Variants in BMP1 observed in about 807,000 individuals in gnomAD.
BMP1 encodes the protein mammalian tolloid protein.
In BMP1, 63 loss-of-function variants were observed where a neutral mutation model predicts 116.8. The observed-to-expected ratio is 0.54, with a 90% confidence interval of 0.44 to 0.67. BMP1 has a LOEUF of 0.67. Among genes scored for constraint, BMP1 ranks in the 30% least tolerant of loss-of-function variants. The pLI is 0.00. For synonymous variants in BMP1, 536 were observed against 533.4 expected, an observed-to-expected ratio of 1.00 and a Z score of -0.07; for missense variants, 1,183 against 1,358.9, an observed-to-expected ratio of 0.87 and a Z score of 2.04.
intron 1 of BMP1, 151 bp downstream of exon 1, chr8:22,165,704 A>C: frequency 4.3e-6 from 2 of 462,622 alleles, no homozygotes. Flanking sequence ...GGGGAGAGGG[A>C]GGGGGATTTG....
At chr8:22,195,313 C>T (rs1359241697) in intron 12 of BMP1, 149 bp from the exon 13 acceptor site, 28 of 947,502 alleles carry the variant, frequency 3.0e-5, no homozygotes, top group Non-Finnish European at 4.0e-5. Flanking sequence ...GACACCAGCC[C>T]AGTCCATGTG....
Position 22,177,957 on chromosome 8 carries a change from G to T in BMP1, c.836G>T (p.Arg279Met). 2.5e-6 allele frequency: 4 copies of T among 1,604,666 alleles called. No individual in the cohort carries two copies. Among genetic ancestry groups the T allele is most frequent in the Non-Finnish European group, 3.4e-6 (4 of 1,172,782 alleles). Reference sequence around the variant, plus strand: ...CATTACGCTCGGAACACATTCTCCAGGTGGGAGACGGGATTGGGGCTGGGC... The same window carrying T: ...CATTACGCTCGGAACACATTCTCCATGTGGGAGACGGGATTGGGGCTGGGC... ...IMHYARNTFSRGIFLDTIVPK... is the reference protein window; with the variant it reads ...IMHYARNTFSMGIFLDTIVPK... The change falls in exon 6 of 20, where the codon AGG (arginine) becomes ATG (methionine). Residue 279 changes from arginine (R) to methionine (M), a missense_variant and splice_region_variant. Physicochemically the swap from Arg to Met is moderately conservative, Grantham distance 91. This residue lies in a region of BMP1 where 956 missense variants were observed against 1,135.2 expected (regional missense o/e 0.84). Transcript: ENST00000306385.
chr8:22,183,938 G>A (rs1828697058), intron 8 of BMP1, among the ~76,000 whole-genome samples: 1 of 152,178 alleles, frequency 6.6e-6, no homozygotes, highest in South Asian at 2.1e-4. Context: ...TGGGCCAGAT[G>A]CTAACATTAT....
intron 3 of BMP1, 89 bp downstream of exon 3, chr8:22,176,402 A>T: frequency 6.4e-7 from 1 of 1,552,772 alleles, no homozygotes; most frequent in South Asian, 1.2e-5. Flanking sequence ...CGTGGGTGCC[A>T]CCTGCAGCCC....
chr8:22,196,196 A>G (rs368811397), intron 13 of BMP1: 46 of 523,108 alleles, frequency 8.8e-5, no homozygotes, highest in Admixed American at 2.9e-4. Context: ...TATGATCTAC[A>G]GGTTGGGAAA....
At position 22,197,371 on chromosome 8, in the gene BMP1, G is replaced by A; in HGVS notation, c.2058G>A (p.Lys686=). ...SQYNNMRVEF[K]SDNTVSKKGF... ...ACAACAACATGCGCGTGGAGTTCAA[G>A]TCCGACAACACCGTGTCCAAAAAGG... is the stretch of plus-strand genomic sequence containing the variant. The change falls in exon 15 of 20, where the codon AAG becomes AAA. Residue 686 remains lysine, a synonymous_variant. Coordinates refer to ENST00000306385, the MANE Select transcript of BMP1 (RefSeq NM_006129.5). The A allele has an allele frequency of 6.2e-7, 1 of 1,613,578 alleles. No individual in the cohort carries two copies. The highest frequency in any genetic ancestry group is 8.5e-7 in the Non-Finnish European group (1 of 1,179,554).
chr8:22,208,058 A>AT (rs35983806), intron 18 of BMP1, among the ~76,000 whole-genome samples: 17,538 of 151,610 alleles, frequency 0.12, 3,180 homozygotes, highest in African/African-American at 0.38. Context: ...TAATTTTTGT[A>AT]TTTTTAGTAG....
rs1195464702 is a variant in BMP1, at chr8:22,211,700, T to G, written c.2933T>G (p.Phe978Cys). 6.2e-7 allele frequency: 1 copy of G among 1,614,050 alleles called. No individual in the cohort carries two copies. Among genetic ancestry groups the G allele is most frequent in the Non-Finnish European group, 8.5e-7 (1 of 1,179,988 alleles). Residue 978 changes from phenylalanine to cysteine, a missense_variant, in exon 20 of 20, where the codon TTC becomes TGC. Physicochemically the swap from Phe to Cys is radical, Grantham distance 205. Around this residue, in one of 4 missense-constraint regions of BMP1, gnomAD observed 956 missense variants for 1,135.2 expected, o/e 0.84. Transcript: ENST00000306385. ...GFHLRYTSTK[F>C]QDTLHSRK ...CACCTGCGATACACCAGCACCAAGT[T>G]CCAGGACACACTCCACAGCAGGAAG...
At chr8:22,199,057 T>G (rs138277670) in intron 15 of BMP1, 1 of 1,359,412 alleles carries the variant, frequency 7.4e-7, no homozygotes, top group Non-Finnish European at 9.8e-7. Flanking sequence ...CTCACATCTA[T>G]CAGGCCTGGA....
At position 22,179,723 on chromosome 8, in the gene BMP1, C is replaced by G; in HGVS notation, c.855C>G (p.Thr285=). Residue 285 remains threonine, a synonymous_variant, in exon 7 of 20, where the codon ACC becomes ACG. Coordinates refer to ENST00000306385, the MANE Select transcript of BMP1 (RefSeq NM_006129.5). The surrounding 1 kb of genome is among the most constrained non-coding windows in gnomAD (Gnocchi z 4.6). ...TCTTCAGGGGCATCTTCCTGGATAC[C>G]ATTGTCCCCAAGTATGAGGTGAACG... is the stretch of plus-strand genomic sequence containing the variant. ...NTFSRGIFLD[T]IVPKYEVNGV... 2 of 1,614,068 alleles carry G rather than the reference C, an allele frequency of 1.2e-6. No individual in the cohort carries two copies. The highest frequency in any genetic ancestry group is 1.1e-5 in the South Asian group (1 of 91,060).
At chr8:22,187,849 G>A (rs1250623390) in intron 8 of BMP1, among the ~76,000 whole-genome samples, 1 of 152,116 alleles carries the variant, frequency 6.6e-6, no homozygotes, top group Non-Finnish European at 1.5e-5. Context: ...TATATGAATT[G>A]AACTCCCCTA....
rs770157559 is a variant in BMP1, at chr8:22,194,170, C to G, written c.1293C>G (p.Tyr431Ter). The G allele has an allele frequency of 1.2e-6, 2 of 1,613,794 alleles. No homozygotes were observed. The highest frequency in any genetic ancestry group is 1.7e-6 in the Non-Finnish European group (2 of 1,179,828). ...NWVGKGFFAV[Y>*]EAICGGDVKK... ...TTGGAAAGGGCTTCTTTGCAGTCTA[C>G]GAAGGTACTGAGGAAGGCGGCGGGC... Residue 431 changes from tyrosine (Y) to a stop codon, truncating the protein, a stop_gained, in exon 10 of 20, where the codon TAC becomes TAG. Coordinates refer to ENST00000306385, the MANE Select transcript of BMP1 (RefSeq NM_006129.5). LOFTEE classifies it high-confidence loss of function. This position sits in a 1 kb window ranked among gnomAD's most constrained non-coding sequence, Gnocchi z 4.5.
At chr8:22,189,798 C>T (rs949124658) in intron 8 of BMP1, among the ~76,000 whole-genome samples, 7 of 152,162 alleles carry the variant, frequency 4.6e-5, no homozygotes, top group South Asian at 4.1e-4. Flanking sequence ...TCTACTCCCT[C>T]GCAAGAGCTA....
At chr8:22,165,878 C>CGTGTGT (rs1432185239) in intron 1 of BMP1, among the ~76,000 whole-genome samples, 8 of 67,800 alleles carry the variant, frequency 1.2e-4, no homozygotes, top group Non-Finnish European at 2.1e-4. Flanking sequence ...AACTCCTGTG[C>CGTGTGT]GTGCGTGTGT....
chr8:22,206,826 T>C, intron 16 of BMP1, 28 bp from the exon 17 acceptor site: 1 of 1,613,840 alleles, frequency 6.2e-7, no homozygotes, highest in Non-Finnish European at 8.5e-7. Flanking sequence ...TCCCTCTCTA[T>C]CCCCTTCCGT....
chr8:22,174,329 ATAT>A (rs1290324834), intron 2 of BMP1, among the ~76,000 whole-genome samples: 2 of 152,116 alleles, frequency 1.3e-5, no homozygotes, highest in Non-Finnish European at 2.9e-5. Flanking sequence ...TTATCACACC[ATAT>A]TGAAAGGATT....
At chr8:22,186,658 G>A (rs1330367625) in intron 8 of BMP1, among the ~76,000 whole-genome samples, 1 of 152,006 alleles carries the variant, frequency 6.6e-6, no homozygotes, top group African/African-American at 2.4e-5. Flanking sequence ...GTAGAGACAG[G>A]GTTTCGCCAT....
At chr8:22,195,632 C>G (rs1829061870) in intron 13 of BMP1, 45 bp downstream of exon 13, 2 of 1,573,526 alleles carry the variant, frequency 1.3e-6, no homozygotes, top group Non-Finnish European at 1.7e-6. Flanking sequence ...TTCCCTGGCA[C>G]CAGCCCACCT....
intron 15 of BMP1, chr8:22,201,460 G>A: frequency 7.1e-7 from 1 of 1,403,510 alleles, no homozygotes; most frequent in Non-Finnish European, 9.2e-7. Flanking sequence ...AGGGACCCCT[G>A]CGTCCTGCTC....
Sources: allele counts gnomAD v4.1 joint callset (sites outside exome capture counted in the v4.1 genomes callset), GRCh38; gene constraint gnomAD v4.1.1; regional missense constraint gnomAD v4.1.1; non-coding constraint Gnocchi (gnomAD v3.1); transcripts MANE v1.5; gene names NCBI Gene and HGNC (gene_info 2026-07-23, HGNC 2026-07-21).